COL19A1: variants seen among roughly 807,000 people sequenced by gnomAD.
The protein encoded by COL19A1 is collagen type XIX alpha 1 chain.
Under a neutral mutation model 190.2 loss-of-function variants are expected in COL19A1, and 159 were observed. That is an observed-to-expected ratio of 0.84 (90% CI 0.73 to 0.95). The LOEUF (loss-of-function observed/expected upper bound fraction) is 0.95, where lower values mean the gene tolerates loss of function less well. Among genes scored for constraint, COL19A1 ranks in the 40% least tolerant of loss-of-function variants. The probability of loss-of-function intolerance (pLI) is 0.00; values close to 1 mark genes in which losing one functional copy is unlikely to be tolerated. For missense variants in COL19A1, 1,418 were observed against 1,431.9 expected (o/e 0.99, Z 0.16); for synonymous variants, 509 against 458.9 (o/e 1.11, Z -1.39).
intron 14 of COL19A1, chr6:70,059,931 A>G: frequency 2.9e-6 from 1 of 339,036 alleles, no homozygotes; most frequent in Non-Finnish European, 5.7e-6. Flanking sequence ...GAAGAAGAAA[A>G]AAAATCCACA....
intron 2 of COL19A1, among the ~76,000 whole-genome samples, chr6:69,880,543 C>T (rs2149945068): frequency 6.6e-6 from 1 of 152,270 alleles, no homozygotes; most frequent in South Asian, 2.1e-4. Context: ...TAAACCCACT[C>T]TAGAGAGACT....
At chr6:69,994,628 G>T (rs1205914304) in intron 11 of COL19A1, among the ~76,000 whole-genome samples, 2 of 152,112 alleles carry the variant, frequency 1.3e-5, no homozygotes, top group Non-Finnish European at 2.9e-5. Flanking sequence ...TGCAGACATT[G>T]CTATAATTTG....
intron 2 of COL19A1, among the ~76,000 whole-genome samples, chr6:69,884,151 A>T (rs891583695): frequency 1.3e-5 from 2 of 152,082 alleles, no homozygotes; most frequent in Non-Finnish European, 2.9e-5. Flanking sequence ...CCTGGCCAGC[A>T]TGGTGAAATC....
At chr6:70,141,047 T>C in intron 20 of COL19A1, 58 bp downstream of exon 20, 2 of 1,481,318 alleles carry the variant, frequency 1.4e-6, no homozygotes, top group Admixed American at 1.8e-5. Flanking sequence ...TGTTTCTCTC[T>C]GATTTTCTGG....
At chr6:69,897,084 G>A (rs1769827027) in intron 2 of COL19A1, among the ~76,000 whole-genome samples, 1 of 152,142 alleles carries the variant, frequency 6.6e-6, no homozygotes, top group Non-Finnish European at 1.5e-5. Context: ...AGACTTTGTT[G>A]TCTTGTGGAT....
At chr6:70,161,694 G>A (rs1016417648) in intron 34 of COL19A1, among the ~76,000 whole-genome samples, 4 of 151,950 alleles carry the variant, frequency 2.6e-5, no homozygotes, top group South Asian at 2.1e-4. Context: ...CCACATAACC[G>A]AAAATCACTT....
intron 34 of COL19A1, among the ~76,000 whole-genome samples, chr6:70,157,942 C>A (rs974656808): frequency 6.6e-6 from 1 of 152,072 alleles, no homozygotes; most frequent in Non-Finnish European, 1.5e-5. Context: ...TTCTACAGGG[C>A]ACTTTTCTCT....
intron 7 of COL19A1, among the ~76,000 whole-genome samples, chr6:69,936,082 G>A (rs2150019578): frequency 6.6e-6 from 1 of 152,194 alleles, no homozygotes; most frequent in African/African-American, 2.4e-5. Flanking sequence ...TCTGGTACAT[G>A]ATGTTGAGAA....
At chr6:70,098,542 A>G (rs1783425648) in intron 15 of COL19A1, 7 of 453,424 alleles carry the variant, frequency 1.5e-5, no homozygotes, top group Non-Finnish European at 3.0e-5. Context: ...CACTTCAGTT[A>G]TACTTCCTCT....
At chr6:69,964,227 CT>C (rs1774966510) in intron 11 of COL19A1, among the ~76,000 whole-genome samples, 1 of 152,132 alleles carries the variant, frequency 6.6e-6, no homozygotes, top group African/African-American at 2.4e-5. Context: ...ATGATAATTA[CT>C]TTTCCTCACA....
intron 14 of COL19A1, among the ~76,000 whole-genome samples, chr6:70,052,174 CAG>C (rs1408896238): frequency 6.6e-6 from 1 of 152,138 alleles, no homozygotes; most frequent in African/African-American, 2.4e-5. Context: ...ACTGAGCTAA[CAG>C]TGTACTAAAC....
At chr6:70,155,298 C>T (rs1451914588) in intron 31 of COL19A1, among the ~76,000 whole-genome samples, 2 of 152,130 alleles carry the variant, frequency 1.3e-5, no homozygotes, top group African/African-American at 4.8e-5. Flanking sequence ...AGTTGTCCTA[C>T]CTTCTGTCAA....
At position 70,212,035 on chromosome 6, in the gene COL19A1, G is replaced by T. The variant is rs973163183; in HGVS notation, c.*4761G>T. Reference sequence around the variant, plus strand: ...AAAGTGGGAGGCTTCACTAAATGAGGGGGTAAATAAGATTTAAGTTTATCA... The same window carrying T: ...AAAGTGGGAGGCTTCACTAAATGAGTGGGTAAATAAGATTTAAGTTTATCA... On this transcript the variant is annotated 3_prime_UTR_variant, in exon 51 of 51. Coordinates refer to ENST00000620364, the MANE Select transcript of COL19A1 (RefSeq NM_001858.6). Among the ~76,000 whole-genome samples, 6 of 152,132 alleles carry T rather than the reference G, an allele frequency of 3.9e-5. No individual in the cohort carries two copies. Among genetic ancestry groups the T allele is most frequent in the African/African-American group, 1.4e-4 (6 of 41,440 alleles).
At chr6:69,912,565 T>A (rs1771014866) in intron 4 of COL19A1, among the ~76,000 whole-genome samples, 1 of 152,170 alleles carries the variant, frequency 6.6e-6, no homozygotes, top group Non-Finnish European at 1.5e-5. Flanking sequence ...CCAACCAACC[T>A]CTGCTCATGG....
intron 49 of COL19A1, among the ~76,000 whole-genome samples, chr6:70,201,424 G>C (rs1009772643): frequency 1.3e-5 from 2 of 152,132 alleles, no homozygotes; most frequent in Non-Finnish European, 2.9e-5. Context: ...CTTTTGCAAA[G>C]GATTTCTATG....
At chr6:69,952,504 C>A (rs934446046) in intron 9 of COL19A1, among the ~76,000 whole-genome samples, 1 of 134,868 alleles carries the variant, frequency 7.4e-6, no homozygotes, top group African/African-American at 3.3e-5. Flanking sequence ...ATAAATCAAC[C>A]TTCTGGAAGT....
intron 14 of COL19A1, among the ~76,000 whole-genome samples, chr6:70,053,190 G>A (rs1780304813): frequency 1.3e-5 from 2 of 152,048 alleles, no homozygotes; most frequent in South Asian, 4.1e-4. Flanking sequence ...GCTTGTTATG[G>A]TTCTGTAATA....
intron 4 of COL19A1, among the ~76,000 whole-genome samples, chr6:69,916,281 C>T (rs1172826063): frequency 6.6e-6 from 1 of 152,154 alleles, no homozygotes; most frequent in Non-Finnish European, 1.5e-5. Flanking sequence ...AACCATGGCA[C>T]ATGTTTACCT....
At chr6:69,985,260 G>A (rs1029603815) in intron 11 of COL19A1, among the ~76,000 whole-genome samples, 1 of 152,130 alleles carries the variant, frequency 6.6e-6, no homozygotes, top group African/African-American at 2.4e-5. Context: ...AAGTAGTGAG[G>A]TACTAACTTT....
Sources: gnomAD v4.1 joint callset for allele counts (sites outside exome capture counted in the v4.1 genomes callset) on GRCh38, gnomAD v4.1.1 for gene constraint, MANE v1.5 for transcripts, NCBI Gene and HGNC (gene_info 2026-07-23, HGNC 2026-07-21) for gene names.